TTC28: variants seen among roughly 807,000 people sequenced by gnomAD.
TTC28 encodes the protein tetratricopeptide repeat protein 28.
In TTC28, 61 loss-of-function variants were observed where a neutral mutation model predicts 198.0. The ratio of observed to expected loss-of-function variants is 0.31; its 90% CI spans 0.25 to 0.38. The LOEUF is 0.38. Ranked by LOEUF, TTC28 falls within the 10% of genes least tolerant of loss-of-function variation. The pLI, the probability that TTC28 is intolerant of heterozygous loss-of-function variation, is 1.00. For missense variants in TTC28, 2,678 were observed against 3,164.0 expected, an observed-to-expected ratio of 0.85 and a Z score of 3.69; for synonymous variants, 1,171 against 1,297.8, an observed-to-expected ratio of 0.90 and a Z score of 2.10.
At chr22:28,552,540 A>G (rs1453860457) in intron 2 of TTC28, among the ~76,000 whole-genome samples, 1 of 152,228 alleles carries the variant, frequency 6.6e-6, no homozygotes, top group African/African-American at 2.4e-5. Context: ...CACATAGACC[A>G]ATGAAACAGA....
chr22:28,068,125 A>G (rs908512604), intron 12 of TTC28, among the ~76,000 whole-genome samples: 1 of 152,164 alleles, frequency 6.6e-6, no homozygotes, highest in South Asian at 2.1e-4. Flanking sequence ...ACTCCATTAC[A>G]ATTAAAGACT....
intron 2 of TTC28, among the ~76,000 whole-genome samples, chr22:28,459,477 G>T (rs1421257642): frequency 1.3e-5 from 2 of 152,030 alleles, no homozygotes; most frequent in African/African-American, 4.8e-5. Flanking sequence ...TGAGGAAGGT[G>T]CATAGAAGCA....
intron 1 of TTC28, among the ~76,000 whole-genome samples, chr22:28,653,847 G>A (rs767975543): frequency 1.3e-5 from 2 of 152,138 alleles, no homozygotes; most frequent in African/African-American, 2.4e-5. Context: ...GCCCCAGACT[G>A]TAAACATAAG....
At position 28,095,369 on chromosome 22, in the gene TTC28, AT is replaced by A. The variant is rs112029071; in HGVS notation, c.3766+820del. 7.5e-3 allele frequency among the ~76,000 whole-genome samples: 1,098 copies of A among 145,642 alleles called. 2 individuals are homozygous for A. The highest frequency in any genetic ancestry group is 7.7e-3 in the Non-Finnish European group (510 of 65,910). ...ATCTGGGAGCTGTCATCCAGCCATCATTTTTTTTTTTTTTAAATCAAAGGCA... is the reference window on the plus strand; with the variant it reads ...ATCTGGGAGCTGTCATCCAGCCATCATTTTTTTTTTTTTAAATCAAAGGCA... On this transcript the variant is annotated intron_variant, in intron 11 of 22. Transcript: ENST00000397906.
chr22:28,035,337 G>A (rs1041510656), intron 12 of TTC28, among the ~76,000 whole-genome samples: 9 of 152,158 alleles, frequency 5.9e-5, no homozygotes, highest in Admixed American at 5.2e-4. Flanking sequence ...CGCTGGCCCC[G>A]TGCCCAGTGG....
chr22:28,339,873 C>T (rs1331291231), intron 2 of TTC28, among the ~76,000 whole-genome samples: 1 of 152,154 alleles, frequency 6.6e-6, no homozygotes. Context: ...CTTTGGCTCA[C>T]ACTCAGTGGG....
Position 27,982,909 on chromosome 22 carries a change from G to A in TTC28, c.6758C>T (p.Thr2253Ile). The change falls in exon 23 of 23, where the codon ACC becomes ATC. Residue 2253 changes from threonine (T) to isoleucine (I), a missense_variant. Physicochemically the swap from Thr to Ile is moderately conservative, Grantham distance 89. Coordinates refer to ENST00000397906, the MANE Select transcript of TTC28 (RefSeq NM_001145418.2). This position sits in a 1 kb window ranked among gnomAD's most constrained non-coding sequence, Gnocchi z 5.2. ...PKVSSGYSSP[T>I]TSEMSIKDSP... Reference sequence around the variant, plus strand: ...GTCTTTGATGGACATCTCTGAGGTGGTGGGGCTGCTATATCCGGAACTCAC... The same window carrying A: ...GTCTTTGATGGACATCTCTGAGGTGATGGGGCTGCTATATCCGGAACTCAC... 6.4e-7 allele frequency: 1 copy of A among 1,551,682 alleles called. No homozygotes were observed. Among genetic ancestry groups the A allele is most frequent in the Non-Finnish European group, 8.7e-7 (1 of 1,146,986 alleles).
intron 5 of TTC28, among the ~76,000 whole-genome samples, chr22:28,274,386 T>C (rs1932277854): frequency 6.6e-6 from 1 of 152,228 alleles, no homozygotes; most frequent in Admixed American, 6.5e-5. Flanking sequence ...CACAACTTCT[T>C]TCCTTCTTTC....
In TTC28 at chr22:28,619,546, GAAGAAAA is replaced by G. The variant is rs1231753600; in HGVS notation, c.381+9999_381+10005del. On this transcript the variant is annotated intron_variant, in intron 2 of 22. Coordinates refer to ENST00000397906, the MANE Select transcript of TTC28 (RefSeq NM_001145418.2). ...TACATCAATTGACATAAATGAGGAGGAAGAAAAAAGGAAAAGGAGAGCATGTTTGTCA... is the reference window on the plus strand; with the variant it reads ...TACATCAATTGACATAAATGAGGAGGAAGGAAAAGGAGAGCATGTTTGTCA... Among the ~76,000 whole-genome samples the G allele has an allele frequency of 2.0e-5, 3 of 152,110 alleles. No homozygotes were observed. In the East Asian group the frequency reaches 5.8e-4, roughly 29 times the overall value.
At chr22:28,298,717 CTG>C (rs1285245057) in intron 3 of TTC28, among the ~76,000 whole-genome samples, 1 of 152,124 alleles carries the variant, frequency 6.6e-6, no homozygotes, top group Non-Finnish European at 1.5e-5. Flanking sequence ...TCCCAAAGTG[CTG>C]AGATTACCAG....
At position 27,995,216 on chromosome 22, in the gene TTC28, G is replaced by A. The variant is rs117875706; in HGVS notation, c.5244+919C>T. 2.2e-3 allele frequency among the ~76,000 whole-genome samples: 335 copies of A among 152,234 alleles called. 8 individuals carry two copies. In the East Asian group the frequency reaches 0.054, roughly 24 times the overall value. On this transcript the variant is annotated intron_variant, in intron 17 of 22. Coordinates refer to ENST00000397906, the MANE Select transcript of TTC28 (RefSeq NM_001145418.2). Reference sequence around the variant, plus strand: ...CCCAGGCTGCATCGACGCTGCCCCCGGTCCTCCATCTTAACCATGGATGGA... The same window carrying A: ...CCCAGGCTGCATCGACGCTGCCCCCAGTCCTCCATCTTAACCATGGATGGA...
At chr22:28,155,232 T>C (rs1018865920) in intron 6 of TTC28, among the ~76,000 whole-genome samples, 3 of 152,240 alleles carry the variant, frequency 2.0e-5, no homozygotes, top group Non-Finnish European at 4.4e-5. Context: ...TTTCCCTAAC[T>C]AGTTGCCCCT....
At chr22:28,172,734 G>A (rs182269427) in intron 5 of TTC28, among the ~76,000 whole-genome samples, 9 of 152,254 alleles carry the variant, frequency 5.9e-5, no homozygotes, top group East Asian at 5.8e-4. Context: ...CTGGAAGTCC[G>A]TATCTCTAGA....
rs1316545419 is a variant in TTC28, at chr22:28,107,264, A to G, written c.2581T>C (p.Leu861=). The G allele has an allele frequency of 1.9e-6, 3 of 1,551,630 alleles. No homozygotes were observed. Residue 861 remains leucine (L), a synonymous_variant, in exon 7 of 23, where the codon TTG becomes CTG. Coordinates refer to ENST00000397906, the MANE Select transcript of TTC28 (RefSeq NM_001145418.2). ...EEAIGYFEQQ[L]AMLQQLSGNE... is the part of the protein sequence containing the mutation. ...CCACTTAGCTGCTGCAGCATGGCCA[A>G]TTGCTGCTCAAAGTAGCCAATGGCT...
At chr22:28,585,156 T>C (rs1016238206) in intron 2 of TTC28, among the ~76,000 whole-genome samples, 1 of 152,200 alleles carries the variant, frequency 6.6e-6, no homozygotes, top group African/African-American at 2.4e-5. Flanking sequence ...AATTTTTCAA[T>C]GGACCTGGGG....
chr22:28,142,116 A>T (rs1052181150), intron 6 of TTC28, among the ~76,000 whole-genome samples: 1 of 152,250 alleles, frequency 6.6e-6, no homozygotes, highest in African/African-American at 2.4e-5. Flanking sequence ...CTTACTAGAC[A>T]TTCTCCCTGG....
chr22:28,334,909 T>C (rs1223462301), intron 2 of TTC28, among the ~76,000 whole-genome samples: 1 of 152,206 alleles, frequency 6.6e-6, no homozygotes, highest in Non-Finnish European at 1.5e-5. Context: ...TTTTGGTGTT[T>C]TAGACATGAA....
At chr22:28,123,944 C>T (rs1473519801) in intron 6 of TTC28, among the ~76,000 whole-genome samples, 1 of 152,128 alleles carries the variant, frequency 6.6e-6, no homozygotes, top group Non-Finnish European at 1.5e-5. Flanking sequence ...GATCACACCA[C>T]TGCACTCCAA....
chr22:28,446,372 C>T lies in TTC28; in HGVS notation c.382-139729G>A, dbSNP rs148027098. 9.5e-3 allele frequency among the ~76,000 whole-genome samples: 1,453 copies of T among 152,220 alleles called. 24 individuals are homozygous for T. The highest frequency in any genetic ancestry group is 0.033 in the African/African-American group (1,354 of 41,534). ...TGTTGGAACCAAATGGCTGGGAATG[C>T]TGACTGTAAGGCGATATAGTTTGAA... On this transcript the variant is annotated intron_variant, in intron 2 of 22. Transcript: ENST00000397906.
Sources: allele counts gnomAD v4.1 joint callset (sites outside exome capture counted in the v4.1 genomes callset), GRCh38; gene constraint gnomAD v4.1.1; non-coding constraint Gnocchi (gnomAD v3.1); transcripts MANE v1.5; gene names NCBI Gene and HGNC (gene_info 2026-07-23, HGNC 2026-07-21).